Variants in ARHGAP22 observed in about 807,000 individuals in gnomAD.
ARHGAP22 encodes the protein Rho GTPase activating protein 22.
In ARHGAP22, 48 loss-of-function variants were observed where a neutral mutation model predicts 59.1. The ratio of observed to expected loss-of-function variants is 0.81; its 90% CI spans 0.64 to 1.03. The LOEUF (loss-of-function observed/expected upper bound fraction) is 1.03, where lower values mean the gene tolerates loss of function less well. ARHGAP22 is among the 50% of genes least tolerant of loss of function. The probability of loss-of-function intolerance (pLI) is 0.00; values close to 1 mark genes in which losing one functional copy is unlikely to be tolerated. For synonymous variants in ARHGAP22, 445 were observed against 416.4 expected, an observed-to-expected ratio of 1.07 and a Z score of -0.84; for missense variants, 1,015 against 958.7, an observed-to-expected ratio of 1.06 and a Z score of -0.78.
intron 1 of ARHGAP22, among the ~76,000 whole-genome samples, chr10:48,613,938 G>A (rs1404186961): frequency 6.6e-6 from 1 of 152,158 alleles, no homozygotes; most frequent in African/African-American, 2.4e-5. Flanking sequence ...ATAAAAGCAG[G>A]GTTGATGTTC....
chr10:48,583,928 A>G (rs1203141021), intron 1 of ARHGAP22, among the ~76,000 whole-genome samples: 1 of 152,136 alleles, frequency 6.6e-6, no homozygotes, highest in Admixed American at 6.5e-5. Context: ...GTGCTGAGCC[A>G]CACCCCACCG....
At chr10:48,556,891 A>T (rs867937393) in intron 2 of ARHGAP22, among the ~76,000 whole-genome samples, 2 of 152,160 alleles carry the variant, frequency 1.3e-5, no homozygotes, top group South Asian at 2.1e-4. Flanking sequence ...ATGTGTACTC[A>T]CAGAGTACAC....
At chr10:48,451,252 C>T (rs1198983474) in intron 8 of ARHGAP22, 112 bp from the exon 9 acceptor site, 1 of 1,410,426 alleles carries the variant, frequency 7.1e-7, no homozygotes, top group African/African-American at 1.4e-5. Context: ...GTCCCCAGAG[C>T]CAGGCCGCCC....
At chr10:48,596,175 C>T (rs913551976) in intron 1 of ARHGAP22, among the ~76,000 whole-genome samples, 10 of 152,232 alleles carry the variant, frequency 6.6e-5, no homozygotes, top group African/African-American at 2.2e-4. Flanking sequence ...AGCCGGGAGA[C>T]ACCCGAAGTG....
At chr10:48,515,257 G>A (rs11101357) in intron 3 of ARHGAP22, among the ~76,000 whole-genome samples, 79,811 of 151,922 alleles carry the variant, frequency 0.53, 23,844 homozygotes, top group Middle Eastern at 0.75. Context: ...ATACCATAAA[G>A]ACAATACCCA....
chr10:48,555,636 T>G, intron 2 of ARHGAP22, 86 bp from the exon 3 acceptor site: 7 of 1,360,706 alleles, frequency 5.1e-6, no homozygotes, highest in South Asian at 1.2e-5. Flanking sequence ...GAGGAGAGGT[T>G]AGGACCTGGG....
In ARHGAP22 at chr10:48,591,919, C is replaced by T. The variant is rs114283512; in HGVS notation, c.35-8767G>A. On this transcript the variant is annotated intron_variant, in intron 1 of 9. Transcript: ENST00000249601. ...ACAACAACAACAAAACATGCATGCT[C>T]TGCAATCTAACAATTGTGCTGCTCA... Among the ~76,000 whole-genome samples the T allele has an allele frequency of 9.0e-3, 1,372 of 152,264 alleles. 22 individuals carry two copies. Among genetic ancestry groups the T allele is most frequent in the African/African-American group, 0.032 (1,318 of 41,542 alleles).
intron 3 of ARHGAP22, among the ~76,000 whole-genome samples, chr10:48,534,218 A>T (rs2055136972): frequency 6.6e-6 from 1 of 152,212 alleles, no homozygotes; most frequent in Non-Finnish European, 1.5e-5. Context: ...GAGAAAGACA[A>T]GGGGAATCGT....
At chr10:48,523,991 C>A in intron 3 of ARHGAP22, 1 of 1,406,216 alleles carries the variant, frequency 7.1e-7, no homozygotes, top group Non-Finnish European at 9.3e-7. Context: ...GTCCCCGAGG[C>A]GGGGCTGGCA....
At chr10:48,488,408 A>C (rs2134182653) in intron 3 of ARHGAP22, among the ~76,000 whole-genome samples, 1 of 152,188 alleles carries the variant, frequency 6.6e-6, no homozygotes, top group Non-Finnish European at 1.5e-5. Flanking sequence ...GCTTCTTTGC[A>C]TTCCTGTTAT....
intron 3 of ARHGAP22, among the ~76,000 whole-genome samples, chr10:48,546,973 C>T (rs2056492728): frequency 6.6e-6 from 1 of 152,190 alleles, no homozygotes; most frequent in African/African-American, 2.4e-5. Flanking sequence ...GCACGGAGCC[C>T]TCTGTGACTT....
intron 1 of ARHGAP22, among the ~76,000 whole-genome samples, chr10:48,620,924 G>C: frequency 6.6e-6 from 1 of 152,256 alleles, no homozygotes; most frequent in African/African-American, 2.4e-5. Flanking sequence ...TCCTCAGAGG[G>C]AGGAGTTCAG....
At chr10:48,482,365 C>G (rs1303685002) in intron 3 of ARHGAP22, among the ~76,000 whole-genome samples, 1 of 152,234 alleles carries the variant, frequency 6.6e-6, no homozygotes, top group Admixed American at 6.5e-5. Context: ...TCTACAGACA[C>G]CAGTGAACCT....
intron 4 of ARHGAP22, among the ~76,000 whole-genome samples, chr10:48,472,677 C>T (rs1835841153): frequency 6.6e-6 from 1 of 152,214 alleles, no homozygotes; most frequent in South Asian, 2.1e-4. Context: ...TTCTAGACCA[C>T]ATCAGATGTT....
At chr10:48,630,470 T>G (rs1256940882) in intron 1 of ARHGAP22, among the ~76,000 whole-genome samples, 2 of 152,238 alleles carry the variant, frequency 1.3e-5, no homozygotes, top group Admixed American at 6.5e-5. Context: ...TTTTCTTAGA[T>G]TTCATTAATC....
At chr10:48,473,588 C>T (rs1043465510) in intron 4 of ARHGAP22, among the ~76,000 whole-genome samples, 2 of 152,088 alleles carry the variant, frequency 1.3e-5, no homozygotes, top group Non-Finnish European at 2.9e-5. Context: ...ACTTTATGTC[C>T]ATTTTCTCTC....
chr10:48,583,195 CCTG>C, intron 1 of ARHGAP22, 43 bp from the exon 2 acceptor site: 1 of 1,588,116 alleles, frequency 6.3e-7, no homozygotes, highest in African/African-American at 1.3e-5. Flanking sequence ...AGGCAGCGTG[CCTG>C]CTATCAGTCC....
intron 4 of ARHGAP22, among the ~76,000 whole-genome samples, chr10:48,477,367 A>G (rs1002153310): frequency 6.6e-6 from 1 of 152,114 alleles, no homozygotes; most frequent in Non-Finnish European, 1.5e-5. Context: ...ATTGTTGTGG[A>G]GTTTCCCACT....
At chr10:48,579,890 A>C (rs759100552) in intron 2 of ARHGAP22, among the ~76,000 whole-genome samples, 1 of 152,190 alleles carries the variant, frequency 6.6e-6, no homozygotes, top group Non-Finnish European at 1.5e-5. Flanking sequence ...GAAATTTGTG[A>C]GGCTATGTTG....
Sources: allele counts gnomAD v4.1 joint callset (sites outside exome capture counted in the v4.1 genomes callset), GRCh38; gene constraint gnomAD v4.1.1; transcripts MANE v1.5; gene names NCBI Gene and HGNC (gene_info 2026-07-23, HGNC 2026-07-21).